CPM: variants seen among roughly 807,000 people sequenced by gnomAD.
CPM encodes carboxypeptidase M, also known as renal carboxypeptidase.
CPM carries 35 observed loss-of-function variants against 46.4 expected under a neutral mutation model. The observed-to-expected ratio is 0.75, with a 90% CI of 0.58 to 1.00. The LOEUF is 1.00. CPM is among the 50% of genes least tolerant of loss of function. CPM has a pLI of 0.00. For missense variants in CPM, 422 were observed against 530.4 expected (o/e 0.80, Z 2.01); for synonymous variants, 195 against 195.3 (o/e 1.00, Z 0.01).
In CPM at chr12:68,913,851, G is replaced by C. The variant is rs906063999; in HGVS notation, c.160+18827C>G. On this transcript the variant is annotated intron_variant, in intron 2 of 8. Transcript: ENST00000551568. ...AGTATGATGGTAACAACTCCCATGA[G>C]GATGCGGGGAATTACATCAAGAGCC... The C allele has an allele frequency of 1.7e-5, 11 of 656,732 alleles. No homozygotes were observed. The Admixed American group carries it at 2.0e-4, about 12-fold the overall frequency. The allele number at this position is 656,732 out of a possible 1,614,324, so 40.7% of individuals were successfully genotyped here. A position where few individuals can be genotyped will look rare whatever the true frequency, so the allele number is the denominator to read the frequency against.
At chr12:68,885,646 C>G in intron 3 of CPM, 146 bp downstream of exon 3, 7 of 647,802 alleles carry the variant, frequency 1.1e-5, no homozygotes, top group Non-Finnish European at 1.6e-5. Context: ...ACAGGCCTCA[C>G]AGGAAGACCT....
Position 68,869,408 on chromosome 12 carries a change from T to C in CPM, c.704A>G (p.Asn235Ser). 1.2e-6 allele frequency: 2 copies of C among 1,614,110 alleles called. No individual in the cohort carries two copies. Among genetic ancestry groups the C allele is most frequent in the African/African-American group, 1.3e-5 (1 of 75,048 alleles). ...TTTACACTCGTCTCCTTTCTTCATGTTGGGATTTCTTGAAGCATAGGTATG... is the reference window on the plus strand; with the variant it reads ...TTTACACTCGTCTCCTTTCTTCATGCTGGGATTTCTTGAAGCATAGGTATG... ...LAHTYASRNP[N>S]MKKGDECKNK... The change falls in exon 6 of 9, where the codon AAC becomes AGC. Residue 235 changes from asparagine (N) to serine (S), a missense_variant. Physicochemically the swap from Asn to Ser is conservative, Grantham distance 46 (BLOSUM62 1). Transcript: ENST00000551568.
Position 68,856,360 on chromosome 12 carries a change from G to A in CPM, c.*77C>T. ...TCTCCAGTCAAGGTCCCACTAGAGT[G>A]AGTTAGGGTTGCAGTAACCTGGAGT... On this transcript the variant is annotated 3_prime_UTR_variant, in exon 9 of 9. Coordinates refer to ENST00000551568, the MANE Select transcript of CPM (RefSeq NM_198320.5). 1.3e-6 allele frequency: 2 copies of A among 1,498,420 alleles called. No individual in the cohort carries two copies. Among genetic ancestry groups the A allele is most frequent in the Admixed American group, 1.9e-5 (1 of 51,436 alleles). The allele number at this position is 1,498,420 out of a possible 1,614,324, so 92.8% of individuals were successfully genotyped here. A position where few individuals can be genotyped will look rare whatever the true frequency, so the allele number is the denominator to read the frequency against.
At chr12:68,941,080 A>G (rs1490705778) in intron 1 of CPM, among the ~76,000 whole-genome samples, 1 of 151,722 alleles carries the variant, frequency 6.6e-6, no homozygotes, top group Non-Finnish European at 1.5e-5. Flanking sequence ...ATCATGCAAT[A>G]TTTGTCTTTT....
In CPM at chr12:68,945,197, A is replaced by G. The variant is rs577144018; in HGVS notation, c.-3-12357T>C. Among the ~76,000 whole-genome samples, 22 of 152,146 alleles carry G rather than the reference A, an allele frequency of 1.4e-4. 1 individual carries two copies. Among genetic ancestry groups the G allele is most frequent in the Non-Finnish European group, 3.2e-4 (22 of 68,016 alleles). ...AACCCTAATCTTGTGGCCTTTCATT[A>G]GTTTTCACTCTCTAAGCAAGGAGGA... is the stretch of plus-strand genomic sequence containing the variant. On this transcript the variant is annotated intron_variant, in intron 1 of 8. Transcript: ENST00000546373.
At chr12:68,954,521 G>A (rs1888982634) in intron 1 of CPM, among the ~76,000 whole-genome samples, 1 of 152,064 alleles carries the variant, frequency 6.6e-6, no homozygotes, top group South Asian at 2.1e-4. Context: ...TTCCCCAAGT[G>A]AGGGCCTTCT....
intron 4 of CPM, among the ~76,000 whole-genome samples, chr12:68,870,672 A>C (rs1885654506): frequency 1.3e-5 from 2 of 152,214 alleles, no homozygotes; most frequent in Admixed American, 1.3e-4. Flanking sequence ...TTCTGCTCTT[A>C]GATGCTCCCT....
intron 2 of CPM, among the ~76,000 whole-genome samples, chr12:68,907,938 C>T (rs1179847605): frequency 2.0e-5 from 3 of 152,136 alleles, no homozygotes; most frequent in Non-Finnish European, 4.4e-5. Flanking sequence ...AAGTGATTCT[C>T]CTGCTTCAGC....
intron 3 of CPM, among the ~76,000 whole-genome samples, chr12:68,878,828 C>G (rs1886067777): frequency 6.6e-6 from 1 of 152,168 alleles, no homozygotes; most frequent in South Asian, 2.1e-4. Context: ...AGTAAAAATA[C>G]TTCATTGCTC....
upstream of CPM, among the ~76,000 whole-genome samples, chr12:68,936,603 C>T (rs1421027504): frequency 2.0e-5 from 3 of 152,024 alleles, no homozygotes; most frequent in East Asian, 3.9e-4. Flanking sequence ...AGGATGGTCT[C>T]GAACTCCTGG....
chr12:68,860,657 T>G (rs562918503), intron 7 of CPM, among the ~76,000 whole-genome samples: 5 of 152,168 alleles, frequency 3.3e-5, no homozygotes, highest in Non-Finnish European at 7.4e-5. Context: ...CTTTGATATG[T>G]GATAAATATA....
intron 1 of CPM, among the ~76,000 whole-genome samples, chr12:68,962,154 A>G (rs552984504): frequency 6.6e-6 from 1 of 150,636 alleles, no homozygotes; most frequent in African/African-American, 2.5e-5. Flanking sequence ...GAGCCAAGAT[A>G]GCGCCACTGC....
intron 2 of CPM, among the ~76,000 whole-genome samples, chr12:68,886,588 C>T (rs1167863667): frequency 3.9e-5 from 6 of 152,092 alleles, no homozygotes; most frequent in South Asian, 2.1e-4. Flanking sequence ...GCCAAGATCG[C>T]GCCACTGCAT....
At chr12:68,954,255 G>T (rs537193972) in intron 1 of CPM, among the ~76,000 whole-genome samples, 2 of 152,144 alleles carry the variant, frequency 1.3e-5, no homozygotes, top group Non-Finnish European at 2.9e-5. Flanking sequence ...GGCTTTGGGG[G>T]TATTGCCCAA....
rs550050874 is a variant in CPM at position 68,876,617 on chromosome 12, T to C, written c.259-4661A>G. Reference sequence around the variant, plus strand: ...CACAGACTTCAGGGAGAAGCCCTCATGAAGAAACGGGGGCCTGATGGACAC... The same window carrying C: ...CACAGACTTCAGGGAGAAGCCCTCACGAAGAAACGGGGGCCTGATGGACAC... On this transcript the variant is annotated intron_variant, in intron 3 of 8. Coordinates refer to ENST00000551568, the MANE Select transcript of CPM (RefSeq NM_198320.5). Among the ~76,000 whole-genome samples, 9 of 152,286 alleles carry C rather than the reference T, an allele frequency of 5.9e-5. No homozygotes were observed. The East Asian group carries it at 1.7e-3, about 29-fold the overall frequency.
At chr12:68,880,777 T>C (rs1396228861) in intron 3 of CPM, among the ~76,000 whole-genome samples, 1 of 152,188 alleles carries the variant, frequency 6.6e-6, no homozygotes, top group East Asian at 1.9e-4. Context: ...AAAATGCACT[T>C]ATTGTCATCT....
chr12:68,859,560 G>A (rs992732454), intron 7 of CPM, among the ~76,000 whole-genome samples: 1 of 152,176 alleles, frequency 6.6e-6, no homozygotes, highest in Non-Finnish European at 1.5e-5. Flanking sequence ...GCATGGAATC[G>A]ATTGGCCAGT....
intron 2 of CPM, chr12:68,913,924 C>A: frequency 1.4e-6 from 1 of 718,546 alleles, no homozygotes; most frequent in South Asian, 1.4e-5. Context: ...AATTTACAGT[C>A]ACATGACCTG....
At chr12:68,924,836 A>G (rs569583023) in intron 2 of CPM, among the ~76,000 whole-genome samples, 1 of 152,310 alleles carries the variant, frequency 6.6e-6, no homozygotes, top group African/African-American at 2.4e-5. Context: ...CTGAGGGTAA[A>G]TCACCGGCTA....
Sources: allele counts gnomAD v4.1 joint callset (sites outside exome capture counted in the v4.1 genomes callset), GRCh38; gene constraint gnomAD v4.1.1; transcripts MANE v1.5; gene names NCBI Gene and HGNC (gene_info 2026-07-23, HGNC 2026-07-21).